Variants in NAV2 observed in about 807,000 individuals in gnomAD.
NAV2 encodes helicase, APC down-regulated 1.
In NAV2, 54 loss-of-function variants were observed where a neutral mutation model predicts 223.2. The observed-to-expected ratio is 0.24, with a 90% CI of 0.19 to 0.30. The LOEUF is 0.30. Among genes scored for constraint, NAV2 ranks in the 10% least tolerant of loss-of-function variants. The probability of loss-of-function intolerance (pLI) is 1.00; values close to 1 mark genes in which losing one functional copy is unlikely to be tolerated. For missense variants in NAV2, 2,806 were observed against 3,147.5 expected (o/e 0.89, Z 2.60); for synonymous variants, 1,279 against 1,239.3 (o/e 1.03, Z -0.67).
intron 6 of NAV2, among the ~76,000 whole-genome samples, chr11:19,929,458 C>T (rs946123916): frequency 6.6e-6 from 1 of 152,060 alleles, no homozygotes; most frequent in Non-Finnish European, 1.5e-5. Context: ...ATGACCTGGT[C>T]CTCAGATGCC....
At chr11:19,855,643 C>CA (rs1200072098) in intron 3 of NAV2, among the ~76,000 whole-genome samples, 8 of 152,136 alleles carry the variant, frequency 5.3e-5, no homozygotes, top group African/African-American at 1.9e-4. Flanking sequence ...TCCGGGTTTC[C>CA]ACTGAGGGAC....
chr11:19,934,385 T>A, intron 7 of NAV2, 108 bp downstream of exon 7: 1 of 1,314,602 alleles, frequency 7.6e-7, no homozygotes, highest in Non-Finnish European at 1.0e-6. Flanking sequence ...CAGGAATACT[T>A]AAGTCAGTAG....
At chr11:19,527,439 TTCTC>T (rs935370711) in intron 1 of NAV2, among the ~76,000 whole-genome samples, 10 of 152,028 alleles carry the variant, frequency 6.6e-5, no homozygotes, top group Non-Finnish European at 1.3e-4. Flanking sequence ...TCATTGCTCT[TTCTC>T]TCTCTCCATC....
At chr11:19,617,314 G>A (rs2046828461) in intron 1 of NAV2, among the ~76,000 whole-genome samples, 2 of 152,168 alleles carry the variant, frequency 1.3e-5, no homozygotes, top group Admixed American at 1.3e-4. Context: ...TTAGGAGGAT[G>A]TTGGCAGCTG....
At chr11:20,062,204 C>G in intron 19 of NAV2, 103 bp from the exon 20 acceptor site, 1 of 736,626 alleles carries the variant, frequency 1.4e-6, no homozygotes, top group East Asian at 2.6e-5. Flanking sequence ...TTAAGTCATT[C>G]CAAGCCTGGA....
intron 1 of NAV2, among the ~76,000 whole-genome samples, chr11:19,426,713 G>A (rs55667435): frequency 2.0e-5 from 3 of 151,742 alleles, no homozygotes; most frequent in Non-Finnish European, 2.9e-5. Flanking sequence ...TTTTTAGTTG[G>A]GGGGCGGGGT....
chr11:19,924,082 G>A (rs971653006), intron 6 of NAV2, among the ~76,000 whole-genome samples: 5 of 152,168 alleles, frequency 3.3e-5, no homozygotes, highest in African/African-American at 1.2e-4. Context: ...GCGTGTGTGT[G>A]AGAGAGAGGG....
intron 1 of NAV2, among the ~76,000 whole-genome samples, chr11:19,770,759 G>T (rs1411444893): frequency 6.6e-6 from 1 of 152,108 alleles, no homozygotes; most frequent in Non-Finnish European, 1.5e-5. Flanking sequence ...TATGTTTCGA[G>T]CGTTTTGAGG....
intron 1 of NAV2, among the ~76,000 whole-genome samples, chr11:19,526,923 C>T (rs2043858603): frequency 6.6e-6 from 1 of 152,202 alleles, no homozygotes; most frequent in South Asian, 2.1e-4. Context: ...CTTTCCTTCT[C>T]AGGCCAACAT....
At chr11:19,476,337 A>G (rs2042114186) in intron 1 of NAV2, among the ~76,000 whole-genome samples, 1 of 152,082 alleles carries the variant, frequency 6.6e-6, no homozygotes, top group African/African-American at 2.4e-5. Flanking sequence ...CATTATTAAG[A>G]TGTAAGATAA....
intron 6 of NAV2, among the ~76,000 whole-genome samples, chr11:19,901,705 A>G (rs1403716412): frequency 1.3e-5 from 2 of 152,216 alleles, no homozygotes; most frequent in Non-Finnish European, 2.9e-5. Context: ...ATTTTGTCAT[A>G]TACATATTGA....
chr11:19,462,942 G>A (rs1325139746), intron 1 of NAV2, among the ~76,000 whole-genome samples: 1 of 152,176 alleles, frequency 6.6e-6, no homozygotes, highest in African/African-American at 2.4e-5. Flanking sequence ...CCAAAATTTG[G>A]CACTTTCTGG....
chr11:19,416,074 A>G (rs1183733656), intron 1 of NAV2, among the ~76,000 whole-genome samples: 2 of 152,194 alleles, frequency 1.3e-5, no homozygotes, highest in Non-Finnish European at 2.9e-5. Flanking sequence ...TATTCAACAT[A>G]TTATTGGAAG....
chr11:20,086,907 C>T (rs2060482902), intron 26 of NAV2, among the ~76,000 whole-genome samples: 1 of 152,048 alleles, frequency 6.6e-6, no homozygotes, highest in African/African-American at 2.4e-5. Flanking sequence ...ACATCCATAT[C>T]CAGGTCAACC....
rs150201651 is a variant in NAV2, at chr11:19,419,855, A to G, written c.75+68828A>G. Among the ~76,000 whole-genome samples, 493 of 152,356 alleles carry G rather than the reference A, an allele frequency of 3.2e-3. 2 individuals carry two copies. Among genetic ancestry groups the G allele is most frequent in the African/African-American group, 0.012 (487 of 41,586 alleles). ...TAGGCCTGAAGTTTGCGTCGGGTACATACTTGGAAAGTTATGTAAGCTCTT... is the reference window on the plus strand; with the variant it reads ...TAGGCCTGAAGTTTGCGTCGGGTACGTACTTGGAAAGTTATGTAAGCTCTT... On this transcript the variant is annotated intron_variant, in intron 1 of 37. Transcript: ENST00000360655.
intron 1 of NAV2, among the ~76,000 whole-genome samples, chr11:19,585,816 T>G (rs2135080650): frequency 6.6e-6 from 1 of 152,344 alleles, no homozygotes; most frequent in Middle Eastern, 3.4e-3. Context: ...CGTAACATTT[T>G]TTCTTTCATT....
At chr11:20,002,199 A>G (rs1388906158) in intron 11 of NAV2, among the ~76,000 whole-genome samples, 2 of 152,064 alleles carry the variant, frequency 1.3e-5, no homozygotes, top group African/African-American at 4.8e-5. Flanking sequence ...CAAAGACTCC[A>G]CCTCTAAACA....
intron 1 of NAV2, among the ~76,000 whole-genome samples, chr11:19,798,751 T>C (rs1173828891): frequency 2.0e-5 from 3 of 152,228 alleles, no homozygotes; most frequent in African/African-American, 7.2e-5. Flanking sequence ...ACCGAGGTTC[T>C]GATATATTAT....
intron 1 of NAV2, among the ~76,000 whole-genome samples, chr11:19,661,904 C>T (rs1217661907): frequency 6.6e-6 from 1 of 152,072 alleles, no homozygotes; most frequent in Non-Finnish European, 1.5e-5. Flanking sequence ...AAATTGGAAC[C>T]CAGGGCTCTT....
Sources: allele counts gnomAD v4.1 joint callset (sites outside exome capture counted in the v4.1 genomes callset), GRCh38; gene constraint gnomAD v4.1.1; transcripts MANE v1.5; gene names NCBI Gene and HGNC (gene_info 2026-07-23, HGNC 2026-07-21).